The following ZW10 variants were observed in gnomAD, a reference collection of about 807,000 sequenced individuals.
ZW10 encodes the protein centromere/kinetochore protein zw10 homolog.
In ZW10, 53 loss-of-function variants were observed where a neutral mutation model predicts 87.8. That is an observed-to-expected ratio of 0.60 (90% CI 0.48 to 0.76). The LOEUF (loss-of-function observed/expected upper bound fraction) is 0.76. ZW10 is among the 30% of genes least tolerant of loss of function. The probability of loss-of-function intolerance (pLI) is 0.00; values close to 1 mark genes in which losing one functional copy is unlikely to be tolerated. For missense variants in ZW10, 837 were observed against 923.0 expected (o/e 0.91, Z 1.21); for synonymous variants, 312 against 329.2 (o/e 0.95, Z 0.57).
At chr11:113,738,831 G>A (rs1953580512) in intron 12 of ZW10, among the ~76,000 whole-genome samples, 1 of 152,094 alleles carries the variant, frequency 6.6e-6, no homozygotes, top group African/African-American at 2.4e-5. Context: ...TGTAAGATGG[G>A]GGAGCTGTCT....
intron 1 of ZW10, chr11:113,771,269 C>T (rs1439303225): frequency 6.6e-6 from 1 of 151,602 alleles, no homozygotes; most frequent in Non-Finnish European, 1.5e-5. Context: ...AGCCACCGCA[C>T]CTGGCTGAGG....
At chr11:113,741,850 G>A (rs769141452) in intron 10 of ZW10, 85 bp from the exon 11 acceptor site, 8 of 875,072 alleles carry the variant, frequency 9.1e-6, no homozygotes, top group Admixed American at 4.7e-5. Flanking sequence ...CATCTTCAGT[G>A]AGAGTCATAA....
intron 9 of ZW10, among the ~76,000 whole-genome samples, chr11:113,746,495 C>CAAAAAAAAAAAAAAAAACAA (rs1953677616): frequency 9.5e-6 from 1 of 105,342 alleles, no homozygotes; most frequent in Non-Finnish European, 1.8e-5. Context: ...ACAAAACAGT[C>CAAAAAAAAAAAAAAAAACAA]AAAAAAAAAA....
chr11:113,760,083 G>GTAGAT, intron 5 of ZW10, 126 bp downstream of exon 5: 1 of 1,176,872 alleles, frequency 8.5e-7, no homozygotes, highest in Non-Finnish European at 1.2e-6. Flanking sequence ...TAACATGAGT[G>GTAGAT]CTCAATACAG....
At position 113,747,516 on chromosome 11, in the gene ZW10, A is replaced by G. The variant is rs910705925; in HGVS notation, c.1272+15T>C. 6 of 1,606,960 alleles carry G rather than the reference A, an allele frequency of 3.7e-6. No homozygotes were observed. In the East Asian group the frequency reaches 6.7e-5, roughly 18 times the overall value. ...TATACAATGTTTCATATACAATGCA[A>G]TATAACACTGGTACCTTCACAGTGT... On this transcript the variant is annotated intron_variant, in intron 9 of 15. Transcript: ENST00000200135.
chr11:113,739,434 T>A, intron 11 of ZW10, 52 bp from the exon 12 acceptor site: 1 of 1,511,206 alleles, frequency 6.6e-7, no homozygotes, highest in Non-Finnish European at 8.9e-7. Context: ...TTACTGAAGC[T>A]GGGGTTGATG....
Position 113,736,765 on chromosome 11 carries a change from C to T in ZW10, c.2074G>A (p.Glu692Lys), listed in dbSNP as rs1419894546. 1 of 1,614,186 alleles carries T rather than the reference C, an allele frequency of 6.2e-7. No individual in the cohort carries two copies. Among genetic ancestry groups the T allele is most frequent in the African/African-American group, 1.3e-5 (1 of 75,044 alleles). Residue 692 changes from glutamate to lysine, a missense_variant, in exon 15 of 16, where the codon GAA becomes AAA. Glu to Lys is a moderately conservative substitution (Grantham distance 56, BLOSUM62 1). Coordinates refer to ENST00000200135, the MANE Select transcript of ZW10 (RefSeq NM_004724.4). ...LYSLCKTVMDEGPQVFAPLSE... is the reference protein window; with the variant it reads ...LYSLCKTVMDKGPQVFAPLSE... ...AAAGGTGCAAATACTTGGGGTCCTT[C>T]ATCCATCACTGTTTTGCATAAGGAA...
At chr11:113,746,266 C>T (rs10502175) in intron 9 of ZW10, among the ~76,000 whole-genome samples, 12,939 of 152,170 alleles carry the variant, frequency 0.085, 600 homozygotes, top group Middle Eastern at 0.17. Context: ...CTAGTTCAAT[C>T]CTCTCACAGT....
Position 113,755,989 on chromosome 11 carries a change from A to T in ZW10, c.925+1673T>A, listed in dbSNP as rs528335874. ...CAGTGTAACTATAACTTTTATATGC[A>T]CTGGGAAATAAAAAAATTTGTGGGA... On this transcript the variant is annotated intron_variant, in intron 7 of 15. Coordinates refer to ENST00000200135, the MANE Select transcript of ZW10 (RefSeq NM_004724.4). Among the ~76,000 whole-genome samples, 6 of 152,300 alleles carry T rather than the reference A, an allele frequency of 3.9e-5. No homozygotes were observed. In the South Asian group the frequency reaches 6.2e-4, roughly 16 times the overall value.
At chr11:113,760,690 C>G in intron 3 of ZW10, 100 bp from the exon 4 acceptor site, 1 of 979,390 alleles carries the variant, frequency 1.0e-6, no homozygotes, top group Non-Finnish European at 1.5e-6. Context: ...CCTCCCCCCT[C>G]TAAAAAAAAA....
rs1953835150 is a variant in ZW10 at position 113,759,597 on chromosome 11, A to T, written c.580+612T>A. 2.6e-5 allele frequency among the ~76,000 whole-genome samples: 4 copies of T among 152,194 alleles called. No individual in the cohort carries two copies. The South Asian group carries it at 8.3e-4, about 31-fold the overall frequency. The stretch of plus-strand genomic sequence containing the variant: ...TTACTCTCAGGGCAAACAACACACC[A>T]AAGAGGGCTCATACCCAGAGGTAGG... On this transcript the variant is annotated intron_variant, in intron 5 of 15. Coordinates refer to ENST00000200135, the MANE Select transcript of ZW10 (RefSeq NM_004724.4).
chr11:113,738,157 A>T (rs1184404372), intron 13 of ZW10, 107 bp downstream of exon 13: 2 of 1,267,866 alleles, frequency 1.6e-6, no homozygotes, highest in Non-Finnish European at 2.1e-6. Context: ...GGTGCAGGGA[A>T]TCAACTGAAT....
chr11:113,739,324 T>C lies in ZW10; in HGVS notation c.1642A>G (p.Ile548Val). 2 of 1,613,130 alleles carry C rather than the reference T, an allele frequency of 1.2e-6. No individual in the cohort carries two copies. The highest frequency in any genetic ancestry group is 1.7e-6 in the Non-Finnish European group (2 of 1,179,632). ...AAIHHNNCMY[I>V]AHHLLTLGHQ... ...CCGAGGGTCAGCAAGTGGTGAGCAA[T>C]GTACATACAGTTGTTGTGATGAATA... Residue 548 changes from isoleucine (I) to valine (V), a missense_variant, in exon 12 of 16, where the codon ATT becomes GTT. Physicochemically the swap from Ile to Val is conservative, Grantham distance 29. Transcript: ENST00000200135.
At chr11:113,751,485 G>GA (rs1249401031) in intron 7 of ZW10, among the ~76,000 whole-genome samples, 1 of 152,040 alleles carries the variant, frequency 6.6e-6, no homozygotes, top group Non-Finnish European at 1.5e-5. Flanking sequence ...ATTTGTCAAA[G>GA]AATTTCAGCA....
chr11:113,769,260 AG>A (rs1565289492), intron 1 of ZW10, among the ~76,000 whole-genome samples: 3 of 151,814 alleles, frequency 2.0e-5, no homozygotes, highest in African/African-American at 4.8e-5. Context: ...AAAAAAAAAA[AG>A]GAAGACAATG....
At chr11:113,760,757 C>T in intron 3 of ZW10, 60 bp downstream of exon 3, 1 of 1,430,226 alleles carries the variant, frequency 7.0e-7, no homozygotes, top group South Asian at 1.2e-5. Flanking sequence ...AGGAGATAGC[C>T]ATTGACTAAT....
At chr11:113,741,540 TTAAA>T (rs1953618901) in intron 11 of ZW10, among the ~76,000 whole-genome samples, 150 bp downstream of exon 11, 1 of 152,194 alleles carries the variant, frequency 6.6e-6, no homozygotes, top group Non-Finnish European at 1.5e-5. Flanking sequence ...ACCAAATCCT[TTAAA>T]TATGCGTTTT....
chr11:113,740,791 A>C (rs1319212668), intron 11 of ZW10, among the ~76,000 whole-genome samples: 1 of 152,200 alleles, frequency 6.6e-6, no homozygotes, highest in East Asian at 1.9e-4. Context: ...TGGATCAAGC[A>C]ATCTGTGTTT....
chr11:113,747,812 T>C (rs1953696656), intron 8 of ZW10, 99 bp from the exon 9 acceptor site: 2 of 1,005,662 alleles, frequency 2.0e-6, no homozygotes, highest in Non-Finnish European at 2.8e-6. Flanking sequence ...AGGACCAAGC[T>C]GGTCATTTTA....
Sources: gnomAD v4.1 joint callset for allele counts (sites outside exome capture counted in the v4.1 genomes callset) on GRCh38, gnomAD v4.1.1 for gene constraint, MANE v1.5 for transcripts, NCBI Gene and HGNC (gene_info 2026-07-23, HGNC 2026-07-21) for gene names.